Variants in SECISBP2L observed in about 807,000 individuals in gnomAD.
SECISBP2L encodes the protein selenocysteine insertion sequence-binding protein 2-like.
SECISBP2L carries 43 observed loss-of-function variants against 114.7 expected under a neutral mutation model. The observed-to-expected ratio is 0.38, with a 90% CI of 0.29 to 0.48. The LOEUF (loss-of-function observed/expected upper bound fraction) is 0.48. Among genes scored for constraint, SECISBP2L ranks in the 20% least tolerant of loss-of-function variants. The probability of loss-of-function intolerance (pLI) is 0.98; values close to 1 mark genes in which losing one functional copy is unlikely to be tolerated. For synonymous variants in SECISBP2L, 451 were observed against 439.7 expected, an observed-to-expected ratio of 1.03 and a Z score of -0.32; for missense variants, 1,136 against 1,301.1, an observed-to-expected ratio of 0.87 and a Z score of 1.95.
Position 49,027,392 on chromosome 15 carries a change from C to G in SECISBP2L, c.1008G>C (p.Arg336Ser). Residue 336 changes from arginine (R) to serine (S), a missense_variant, in exon 7 of 18, where the codon AGG becomes AGC. This residue lies in a region of SECISBP2L where 452 missense variants were observed against 452.3 expected (regional missense o/e 1.00). Coordinates refer to ENST00000559471, the MANE Select transcript of SECISBP2L (RefSeq NM_001193489.2). The stretch of plus-strand genomic sequence containing the variant: ...GTGAATTATTTCTTTGTTCAGTTTG[C>G]CTTCCACCTCTAGAAAATGTCTGAT... The part of the protein sequence containing the change: ...EKNQTFSRGG[R>S]QTEQRNNSQV... 3.1e-6 allele frequency: 5 copies of G among 1,610,520 alleles called. No individual in the cohort carries two copies. The highest frequency in any genetic ancestry group is 4.2e-6 in the Non-Finnish European group (5 of 1,177,724).
intron 11 of SECISBP2L, among the ~76,000 whole-genome samples, chr15:49,013,558 G>A (rs1030543303): frequency 2.0e-5 from 3 of 152,194 alleles, no homozygotes; most frequent in South Asian, 4.1e-4. Flanking sequence ...GCCTCCCAAA[G>A]TGCTGGGATT....
chr15:49,037,995 T>G (rs1903047844), intron 1 of SECISBP2L, among the ~76,000 whole-genome samples: 1 of 152,190 alleles, frequency 6.6e-6, no homozygotes, highest in Non-Finnish European at 1.5e-5. Context: ...AAATGTTACA[T>G]TTCAATGTAA....
chr15:49,017,835 T>C, intron 8 of SECISBP2L: 4 of 387,454 alleles, frequency 1.0e-5, no homozygotes, highest in Non-Finnish European at 9.1e-6. Context: ...TATCCACACA[T>C]GTCCAGTTTT....
In SECISBP2L at chr15:48,992,854, C is replaced by T. The variant is rs1483540968; in HGVS notation, c.2696G>A (p.Cys899Tyr). The change falls in exon 18 of 18, where the codon TGT becomes TAT. Residue 899 changes from cysteine to tyrosine, a missense_variant. Cys to Tyr is a radical substitution (Grantham distance 194, BLOSUM62 -2). Transcript: ENST00000559471. The part of the protein sequence containing the change: ...EASENEKEVS[C>Y]KHSTSEKPSK... ...GGGTTTTTCAGAAGTGCTGTGCTTA[C>T]AGGATACCTCTTTCTCATTTTCTGA... The T allele has an allele frequency of 1.2e-6, 2 of 1,614,052 alleles. No homozygotes were observed. The highest frequency in any genetic ancestry group is 1.3e-5 in the African/African-American group (1 of 74,916).
intron 4 of SECISBP2L, among the ~76,000 whole-genome samples, chr15:49,029,584 TG>T (rs1902839259): frequency 6.6e-6 from 1 of 152,188 alleles, no homozygotes; most frequent in Non-Finnish European, 1.5e-5. Context: ...TTTGGAGTTT[TG>T]CTACTAAGAA....
intron 1 of SECISBP2L, among the ~76,000 whole-genome samples, chr15:49,038,848 C>T (rs898226691): frequency 6.6e-5 from 10 of 151,866 alleles, no homozygotes; most frequent in East Asian, 5.8e-4. Context: ...TAAAAAATTA[C>T]CTTAAAAGCC....
intron 16 of SECISBP2L, among the ~76,000 whole-genome samples, 167 bp downstream of exon 16, chr15:48,999,666 C>A (rs1453632472): frequency 2.0e-5 from 3 of 152,122 alleles, no homozygotes; most frequent in Non-Finnish European, 4.4e-5. Context: ...ATCTTTTCCA[C>A]CACTAAAAAA....
intron 13 of SECISBP2L, chr15:49,011,433 C>G (rs992497142): frequency 3.9e-6 from 1 of 257,986 alleles, no homozygotes; most frequent in African/African-American, 2.2e-5. Context: ...AATGAAAATA[C>G]TTGTGACAAT....
intron 11 of SECISBP2L, among the ~76,000 whole-genome samples, chr15:49,014,256 A>G (rs1300430761): frequency 6.6e-6 from 1 of 151,730 alleles, no homozygotes; most frequent in Non-Finnish European, 1.5e-5. Context: ...ACACTCCTTT[A>G]TTTTTCTTAC....
At chr15:49,010,815 G>C (rs952441131) in intron 13 of SECISBP2L, among the ~76,000 whole-genome samples, 1 of 152,168 alleles carries the variant, frequency 6.6e-6, no homozygotes, top group Non-Finnish European at 1.5e-5. Context: ...CCCAGCCCAC[G>C]TGTATCTTCT....
chr15:48,999,413 A>G (rs949054999), intron 16 of SECISBP2L, among the ~76,000 whole-genome samples: 25 of 152,214 alleles, frequency 1.6e-4, no homozygotes, highest in African/African-American at 6.0e-4. Context: ...ATTGGTTTAG[A>G]AATTTCATTT....
chr15:49,024,484 A>G (rs1298780573), intron 7 of SECISBP2L, among the ~76,000 whole-genome samples: 2 of 147,950 alleles, frequency 1.4e-5, no homozygotes, highest in African/African-American at 5.1e-5. Flanking sequence ...CAACAAGAGC[A>G]AGACTCTGTC....
intron 1 of SECISBP2L, 84 bp downstream of exon 1, chr15:49,046,192 C>T (rs919680276): frequency 1.2e-4 from 185 of 1,489,958 alleles, no homozygotes; most frequent in Non-Finnish European, 1.6e-4. Flanking sequence ...CCCCCGGTCC[C>T]CACGTTCGGA....
intron 4 of SECISBP2L, among the ~76,000 whole-genome samples, chr15:49,030,193 T>A (rs936377559): frequency 6.6e-6 from 1 of 152,218 alleles, no homozygotes; most frequent in Non-Finnish European, 1.5e-5. Context: ...TCATGACAAG[T>A]CTTCATAATT....
intron 16 of SECISBP2L, among the ~76,000 whole-genome samples, chr15:48,997,851 A>G (rs1002041970): frequency 6.6e-6 from 1 of 152,138 alleles, no homozygotes; most frequent in East Asian, 1.9e-4. Flanking sequence ...CCTGGGCAAC[A>G]AGAGTGAACC....
At chr15:48,996,617 T>C in intron 16 of SECISBP2L, 31 bp from the exon 17 acceptor site, 2 of 1,574,998 alleles carry the variant, frequency 1.3e-6, no homozygotes, top group Non-Finnish European at 1.7e-6. Context: ...GATTAATCCA[T>C]TTTTTTGTTA....
rs373202496 is a variant in SECISBP2L, at chr15:49,014,816, G to A, written c.1561+1744C>T. 5.3e-4 allele frequency among the ~76,000 whole-genome samples: 78 copies of A among 146,628 alleles called. 1 individual carries two copies. In the South Asian group the frequency reaches 9.4e-3, roughly 18 times the overall value. ...TAGCAACTGCTAAATGTTTGTTTAT[G>A]TATATTAACAGTATATGTATAAATA... On this transcript the variant is annotated intron_variant, in intron 11 of 17. Transcript: ENST00000559471.
Position 48,992,695 on chromosome 15 carries a change from T to C in SECISBP2L, c.2855A>G (p.Glu952Gly), listed in dbSNP as rs1297093270. The C allele has an allele frequency of 1.9e-6, 3 of 1,614,096 alleles. No individual in the cohort carries two copies. The highest frequency in any genetic ancestry group is 2.5e-6 in the Non-Finnish European group (3 of 1,180,046). The change falls in exon 18 of 18, where the codon GAA becomes GGA. Residue 952 changes from glutamate to glycine, a missense_variant. Physicochemically the swap from Glu to Gly is moderately conservative, Grantham distance 98. Around this residue, in one of 2 missense-constraint regions of SECISBP2L, gnomAD observed 684 missense variants for 848.7 expected, o/e 0.81. Transcript: ENST00000559471. ...CTCTGTACTCTGCTGTGAGGCCCAT[T>C]CCAGGTCATCTGGCTTCACTTCCTC... The part of the protein sequence containing the change: ...DKEEVKPDDL[E>G]WASQQSTETG...
chr15:49,019,350 G>T (rs1490882264), intron 8 of SECISBP2L, 68 bp downstream of exon 8: 2 of 1,226,592 alleles, frequency 1.6e-6, no homozygotes, highest in Non-Finnish European at 2.1e-6. Flanking sequence ...TGTTCACAAT[G>T]TAACAAATTA....
Sources: allele counts gnomAD v4.1 joint callset (sites outside exome capture counted in the v4.1 genomes callset), GRCh38; gene constraint gnomAD v4.1.1; regional missense constraint gnomAD v4.1.1; transcripts MANE v1.5; gene names NCBI Gene and HGNC (gene_info 2026-07-23, HGNC 2026-07-21).